Variants in VPS13B observed in about 807,000 individuals in gnomAD.
The protein encoded by VPS13B is vacuolar protein sorting 13 homolog B, also known as intermembrane lipid transfer protein VPS13B.
VPS13B carries 285 observed loss-of-function variants against 426.4 expected under a neutral mutation model. That is an observed-to-expected ratio of 0.67 (90% CI 0.61 to 0.74). The LOEUF is 0.74. Among genes scored for constraint, VPS13B ranks in the 30% least tolerant of loss-of-function variants. The pLI, the probability that VPS13B is intolerant of heterozygous loss-of-function variation, is 0.00. For missense variants in VPS13B, 4,537 were observed against 4,782.6 expected (o/e 0.95, Z 1.51); for synonymous variants, 1,676 against 1,676.4 (o/e 1.00, Z 0.01).
chr8:99,483,080 C>T (rs949430165), intron 25 of VPS13B, among the ~76,000 whole-genome samples: 7 of 152,004 alleles, frequency 4.6e-5, no homozygotes, highest in Non-Finnish European at 5.9e-5. Flanking sequence ...ATCAAGTAAA[C>T]GGGATGTTAA....
chr8:99,734,176 C>T (rs1313262165), intron 39 of VPS13B, among the ~76,000 whole-genome samples: 1 of 152,140 alleles, frequency 6.6e-6, no homozygotes, highest in Non-Finnish European at 1.5e-5. Flanking sequence ...CACAGTTCAT[C>T]CATGTCGTAT....
chr8:99,337,237 A>C (rs1322642992), intron 19 of VPS13B, among the ~76,000 whole-genome samples: 1 of 152,068 alleles, frequency 6.6e-6, no homozygotes, highest in African/African-American at 2.4e-5. Context: ...ATTGGAAATC[A>C]TCATTCTCAG....
chr8:99,662,093 A>T (rs1367907267), intron 35 of VPS13B, among the ~76,000 whole-genome samples: 2 of 152,206 alleles, frequency 1.3e-5, no homozygotes, highest in Non-Finnish European at 2.9e-5. Flanking sequence ...GGAAGCTAAG[A>T]CTTAGAAAAG....
intron 21 of VPS13B, among the ~76,000 whole-genome samples, chr8:99,419,074 C>A (rs1164278892): frequency 6.6e-6 from 1 of 152,214 alleles, no homozygotes; most frequent in African/African-American, 2.4e-5. Context: ...AATTGTAATC[C>A]CCACGTGTTG....
chr8:99,714,756 A>G (rs1426476341), intron 36 of VPS13B, among the ~76,000 whole-genome samples: 1 of 152,208 alleles, frequency 6.6e-6, no homozygotes, highest in Admixed American at 6.5e-5. Flanking sequence ...GACACGTTGC[A>G]GAATGATTGT....
chr8:99,760,694 G>T (rs951954905), intron 39 of VPS13B, among the ~76,000 whole-genome samples: 1 of 152,102 alleles, frequency 6.6e-6, no homozygotes, highest in Non-Finnish European at 1.5e-5. Context: ...GATGTGTTAA[G>T]GACAAATAGA....
At chr8:99,140,463 G>A (rs1810350787) in intron 12 of VPS13B, among the ~76,000 whole-genome samples, 1 of 149,372 alleles carries the variant, frequency 6.7e-6, no homozygotes, top group East Asian at 2.0e-4. Context: ...ATAGTATCTT[G>A]TCCACATTAT....
intron 30 of VPS13B, among the ~76,000 whole-genome samples, chr8:99,524,019 A>G (rs1822516520): frequency 5.9e-5 from 9 of 152,182 alleles, no homozygotes; most frequent in Admixed American, 5.9e-4. Flanking sequence ...TCAGAATTGT[A>G]TCAGATAAAT....
intron 22 of VPS13B, among the ~76,000 whole-genome samples, chr8:99,435,397 A>G (rs1817318062): frequency 6.6e-6 from 1 of 152,162 alleles, no homozygotes; most frequent in African/African-American, 2.4e-5. Flanking sequence ...GTAATAGGGA[A>G]CATGAAAGAT....
intron 24 of VPS13B, among the ~76,000 whole-genome samples, chr8:99,471,047 T>G (rs1012171419): frequency 1.3e-5 from 2 of 151,984 alleles, no homozygotes; most frequent in African/African-American, 2.4e-5. Flanking sequence ...GTTAACCTAG[T>G]GAAGATACCC....
At chr8:99,833,615 T>G (rs1815210309) in intron 52 of VPS13B, among the ~76,000 whole-genome samples, 1 of 152,238 alleles carries the variant, frequency 6.6e-6, no homozygotes, top group East Asian at 1.9e-4. Flanking sequence ...GAGGAGTGGT[T>G]ATCCTTACAT....
chr8:99,021,773 C>G (rs753198418), intron 2 of VPS13B, among the ~76,000 whole-genome samples: 1 of 152,104 alleles, frequency 6.6e-6, no homozygotes, highest in African/African-American at 2.4e-5. Context: ...CCACCATGCC[C>G]GAATAATTTT....
At chr8:99,593,664 C>A (rs2133843950) in intron 33 of VPS13B, among the ~76,000 whole-genome samples, 1 of 151,936 alleles carries the variant, frequency 6.6e-6, no homozygotes, top group African/African-American at 2.4e-5. Context: ...ACCTAAATGC[C>A]CATCAGTGAT....
At chr8:99,778,656 G>GTTT in intron 41 of VPS13B, 26 bp from the exon 42 acceptor site, 1 of 1,602,124 alleles carries the variant, frequency 6.2e-7, no homozygotes, top group African/African-American at 1.3e-5. Flanking sequence ...CTTAATTGCT[G>GTTT]TTTTCCTTGT....
intron 56 of VPS13B, among the ~76,000 whole-genome samples, chr8:99,855,181 G>A (rs558126881): frequency 6.6e-6 from 1 of 152,218 alleles, no homozygotes; most frequent in South Asian, 2.1e-4. Context: ...TTCAAGACCA[G>A]CTTGGCCAAC....
intron 39 of VPS13B, among the ~76,000 whole-genome samples, chr8:99,732,671 G>A (rs16897621): frequency 0.02 from 2,971 of 152,330 alleles, 104 homozygotes; most frequent in African/African-American, 0.068. Flanking sequence ...GAGCTTCTTT[G>A]TCTAGTCTAT....
At chr8:99,021,146 T>C (rs564599070) in intron 2 of VPS13B, among the ~76,000 whole-genome samples, 2 of 152,344 alleles carry the variant, frequency 1.3e-5, no homozygotes, top group South Asian at 2.1e-4. Context: ...TTATTGTCTA[T>C]GGCTGCTTTC....
intron 35 of VPS13B, among the ~76,000 whole-genome samples, chr8:99,684,532 G>A (rs1588620752): frequency 6.6e-6 from 1 of 152,238 alleles, no homozygotes; most frequent in East Asian, 1.9e-4. Flanking sequence ...TAGGATAAGG[G>A]GGTAGGGGAG....
Position 99,820,048 on chromosome 8 carries a change from C to T in VPS13B, c.8920C>T (p.Leu2974Phe). 4 of 1,613,970 alleles carry T rather than the reference C, an allele frequency of 2.5e-6. No homozygotes were observed. The highest frequency in any genetic ancestry group is 3.4e-6 in the Non-Finnish European group (4 of 1,179,886). The change falls in exon 49 of 62, where the codon CTC (leucine) becomes TTC (phenylalanine). Residue 2974 changes from leucine (L) to phenylalanine (F), a missense_variant. By Grantham distance (22) the Leu-to-Phe change is conservative. Around this residue, in one of 2 missense-constraint regions of VPS13B, gnomAD observed 4,311 missense variants for 4,474.3 expected, o/e 0.96. Transcript: ENST00000357162. ...ALLINESKWD[L>F]WLFEGEKIVL... ...GCTTATCAATGAATCCAAATGGGAC[C>T]TCTGGCTATTTGAAGGAGAGAAAAT...
Sources: allele counts gnomAD v4.1 joint callset (sites outside exome capture counted in the v4.1 genomes callset), GRCh38; gene constraint gnomAD v4.1.1; regional missense constraint gnomAD v4.1.1; transcripts MANE v1.5; gene names NCBI Gene and HGNC (gene_info 2026-07-23, HGNC 2026-07-21).